The following MYO1B variants were observed in gnomAD, a reference collection of about 807,000 sequenced individuals.
The protein encoded by MYO1B is myosin IB.
MYO1B carries 72 observed loss-of-function variants against 159.7 expected under a neutral mutation model. That is an observed-to-expected ratio of 0.45 (90% CI 0.37 to 0.55). The LOEUF is 0.55. Ranked by LOEUF, MYO1B falls within the 20% of genes least tolerant of loss-of-function variation. The pLI is 0.00. For synonymous variants in MYO1B, 468 were observed against 473.8 expected (o/e 0.99, Z 0.16); for missense variants, 1,062 against 1,364.8 (o/e 0.78, Z 3.50).
At chr2:191,421,512 A>C (rs1400225502) in intron 30 of MYO1B, among the ~76,000 whole-genome samples, 1 of 152,024 alleles carries the variant, frequency 6.6e-6, no homozygotes, top group African/African-American at 2.4e-5. Context: ...TCCCTCTGTC[A>C]CCCAGGTCAG....
intron 1 of MYO1B, among the ~76,000 whole-genome samples, chr2:191,273,597 C>T (rs1157749046): frequency 6.6e-6 from 1 of 152,182 alleles, no homozygotes; most frequent in East Asian, 1.9e-4. Context: ...GTCTCAAGCT[C>T]AGTCACGTGT....
intron 1 of MYO1B, among the ~76,000 whole-genome samples, chr2:191,268,522 G>A (rs1359170191): frequency 6.6e-6 from 1 of 152,160 alleles, no homozygotes; most frequent in Admixed American, 6.5e-5. Context: ...TGTCTCCTAT[G>A]AGGAATGGTT....
chr2:191,305,219 C>A (rs1028993237), intron 3 of MYO1B, among the ~76,000 whole-genome samples: 3 of 152,192 alleles, frequency 2.0e-5, no homozygotes, highest in Admixed American at 1.3e-4. Flanking sequence ...TTGCCACAAT[C>A]TGTTGCTGGG....
chr2:191,342,417 C>T (rs1442488221), intron 5 of MYO1B, among the ~76,000 whole-genome samples: 1 of 152,134 alleles, frequency 6.6e-6, no homozygotes, highest in South Asian at 2.1e-4. Flanking sequence ...AAGCATTCAG[C>T]CCATAACATC....
intron 15 of MYO1B, among the ~76,000 whole-genome samples, chr2:191,383,857 T>C (rs1695244743): frequency 6.6e-6 from 1 of 152,064 alleles, no homozygotes; most frequent in Non-Finnish European, 1.5e-5. Context: ...TTCCCAAAAC[T>C]CTAATGACCT....
At chr2:191,377,610 G>A (rs1374073687) in intron 13 of MYO1B, 4 of 152,138 alleles carry the variant, frequency 2.6e-5, no homozygotes, top group Non-Finnish European at 4.4e-5. Flanking sequence ...ATTTTATGAA[G>A]GAGAGGGGGC....
At chr2:191,383,738 G>T (rs1695236700) in intron 15 of MYO1B, among the ~76,000 whole-genome samples, 1 of 151,748 alleles carries the variant, frequency 6.6e-6, no homozygotes, top group Non-Finnish European at 1.5e-5. Flanking sequence ...AGCCTTTCTT[G>T]TATGGTTGGA....
chr2:191,269,687 A>T (rs1014694457), intron 1 of MYO1B, among the ~76,000 whole-genome samples: 2 of 152,122 alleles, frequency 1.3e-5, no homozygotes, highest in African/African-American at 4.8e-5. Flanking sequence ...TGGGCTGGGG[A>T]AAAGGAAAGG....
intron 3 of MYO1B, among the ~76,000 whole-genome samples, chr2:191,321,473 A>C (rs28524903): frequency 6.6e-6 from 1 of 152,310 alleles, no homozygotes; most frequent in South Asian, 2.1e-4. Flanking sequence ...AATTCTTTTA[A>C]AAAGAGTTGG....
At chr2:191,400,352 T>TTCTC in intron 21 of MYO1B, 30 bp from the exon 22 acceptor site, 1 of 1,609,610 alleles carries the variant, frequency 6.2e-7, no homozygotes, top group Non-Finnish European at 8.5e-7. Flanking sequence ...TTTTTAAACA[T>TTCTC]TCTCTCTTTT....
intron 7 of MYO1B, among the ~76,000 whole-genome samples, chr2:191,358,077 A>G (rs988554474): frequency 6.6e-6 from 1 of 152,220 alleles, no homozygotes; most frequent in Admixed American, 6.5e-5. Context: ...TACAAAGTAC[A>G]GCATTTCCAA....
chr2:191,306,253 C>T (rs1432301695), intron 3 of MYO1B, among the ~76,000 whole-genome samples: 2 of 151,982 alleles, frequency 1.3e-5, no homozygotes, highest in East Asian at 1.9e-4. Context: ...GAGGGAGAGA[C>T]GTGATGTGTT....
intron 23 of MYO1B, among the ~76,000 whole-genome samples, chr2:191,401,216 C>T (rs911774125): frequency 2.0e-5 from 3 of 151,830 alleles, no homozygotes; most frequent in Non-Finnish European, 4.4e-5. Context: ...GGGCTTCAGT[C>T]GGTCTTCTGC....
chr2:191,363,626 T>C, intron 9 of MYO1B, 102 bp from the exon 10 acceptor site: 8 of 1,413,374 alleles, frequency 5.7e-6, no homozygotes, highest in Non-Finnish European at 7.5e-6. Context: ...TTGTCTTTTA[T>C]GGGTTTTTTT....
At chr2:191,253,375 T>C (rs1686244005) in intron 1 of MYO1B, among the ~76,000 whole-genome samples, 1 of 152,212 alleles carries the variant, frequency 6.6e-6, no homozygotes, top group African/African-American at 2.4e-5. Flanking sequence ...GTGCATTCCA[T>C]GTGAGCCGTA....
intron 26 of MYO1B, among the ~76,000 whole-genome samples, chr2:191,409,550 T>G (rs996032942): frequency 6.6e-6 from 1 of 152,232 alleles, no homozygotes; most frequent in African/African-American, 2.4e-5. Context: ...GCAACATAGT[T>G]AAATCCTGCA....
chr2:191,268,292 G>A (rs1439696148), intron 1 of MYO1B, among the ~76,000 whole-genome samples: 2 of 152,114 alleles, frequency 1.3e-5, no homozygotes, highest in Non-Finnish European at 2.9e-5. Flanking sequence ...TTTTTGATGT[G>A]TCTTCACACT....
intron 10 of MYO1B, 25 bp downstream of exon 10, chr2:191,363,900 GT>G (rs1346671971): frequency 8.7e-6 from 14 of 1,610,136 alleles, no homozygotes; most frequent in Non-Finnish European, 1.2e-5. Flanking sequence ...AATCAACTTT[GT>G]TTGTTTAGGA....
chr2:191,335,669 G>C (rs1051017110), intron 4 of MYO1B, among the ~76,000 whole-genome samples: 1 of 152,110 alleles, frequency 6.6e-6, no homozygotes, highest in Non-Finnish European at 1.5e-5. Context: ...TTGAAGGCCT[G>C]GAATGTGCTG....
Sources: allele counts gnomAD v4.1 joint callset (sites outside exome capture counted in the v4.1 genomes callset), GRCh38; gene constraint gnomAD v4.1.1; transcripts MANE v1.5; gene names NCBI Gene and HGNC (gene_info 2026-07-23, HGNC 2026-07-21).